SNX30: variants seen among roughly 807,000 people sequenced by gnomAD.
SNX30 encodes the protein sorting nexin family member 30.
Under a neutral mutation model 46.4 loss-of-function variants are expected in SNX30, and 24 were observed. The ratio of observed to expected loss-of-function variants is 0.52; its 90% CI spans 0.37 to 0.73. The LOEUF is 0.73. Among genes scored for constraint, SNX30 ranks in the 30% least tolerant of loss-of-function variants. The pLI is 0.00. For synonymous variants in SNX30, 189 were observed against 211.5 expected, an observed-to-expected ratio of 0.89 and a Z score of 0.92; for missense variants, 533 against 555.7, an observed-to-expected ratio of 0.96 and a Z score of 0.41.
intron 1 of SNX30, among the ~76,000 whole-genome samples, chr9:112,782,266 A>G (rs1316714228): frequency 6.6e-6 from 1 of 152,060 alleles, no homozygotes; most frequent in Non-Finnish European, 1.5e-5. Flanking sequence ...GGGTTTCACC[A>G]TGTTGGTCAG....
At chr9:112,837,840 C>T (rs1374506562) in intron 5 of SNX30, among the ~76,000 whole-genome samples, 2 of 150,844 alleles carry the variant, frequency 1.3e-5, no homozygotes, top group African/African-American at 4.9e-5. Context: ...GCCTCCATTG[C>T]CTGTTAAAAT....
At chr9:112,810,359 G>T (rs1376528647) in intron 2 of SNX30, among the ~76,000 whole-genome samples, 2 of 152,174 alleles carry the variant, frequency 1.3e-5, no homozygotes, top group Non-Finnish European at 2.9e-5. Context: ...ACACACCCAG[G>T]TCTGGTAGAG....
intron 1 of SNX30, among the ~76,000 whole-genome samples, chr9:112,780,893 ACG>A (rs1277710307): frequency 2.0e-5 from 3 of 152,184 alleles, no homozygotes; most frequent in Non-Finnish European, 4.4e-5. Flanking sequence ...GACATTGATG[ACG>A]CTTAGCCATG....
intron 1 of SNX30, among the ~76,000 whole-genome samples, chr9:112,778,789 ACCTTATGGTTCAGTG>A (rs1839792714): frequency 2.0e-5 from 3 of 152,052 alleles, no homozygotes; most frequent in African/African-American, 7.2e-5. Flanking sequence ...GCTTTCTCAC[ACCTTATGGTTCAGTG>A]CCAGAGGCAG....
intron 1 of SNX30, among the ~76,000 whole-genome samples, chr9:112,768,647 C>CTTCTT (rs1554748345): frequency 1.6e-5 from 1 of 64,366 alleles, no homozygotes; most frequent in African/African-American, 5.3e-5. Flanking sequence ...ATTCTTTCTT[C>CTTCTT]TTTTTTTTTT....
chr9:112,879,731 T>C, downstream of SNX30: 1 of 1,601,532 alleles, frequency 6.2e-7, no homozygotes. Flanking sequence ...TGGCCATGGC[T>C]GATGTTTTCA....
intron 1 of SNX30, among the ~76,000 whole-genome samples, chr9:112,755,953 A>G (rs1451903538): frequency 2.0e-5 from 3 of 152,162 alleles, no homozygotes; most frequent in African/African-American, 7.2e-5. Flanking sequence ...CGCCTAAACC[A>G]GTCTCTGATT....
chr9:112,883,571 G>A (rs1841608823), downstream of SNX30, among the ~76,000 whole-genome samples: 1 of 151,896 alleles, frequency 6.6e-6, no homozygotes, highest in African/African-American at 2.4e-5. Context: ...CTGTTTAAGA[G>A]TTTGCTGTTA....
At chr9:112,879,890 G>C, downstream of SNX30, 1 of 1,409,534 alleles carries the variant, frequency 7.1e-7, no homozygotes, top group Non-Finnish European at 1.0e-6. Context: ...TGCCCTCACA[G>C]GGTTAATGAT....
At chr9:112,768,647 C>CTTCTTTTTCTTCTTTTTTTTTT in intron 1 of SNX30, among the ~76,000 whole-genome samples, 1 of 64,366 alleles carries the variant, frequency 1.6e-5, no homozygotes, top group African/African-American at 5.3e-5. Context: ...ATTCTTTCTT[C>CTTCTTTTTCTTCTTTTTTTTTT]TTTTTTTTTT....
chr9:112,806,692 C>T (rs1026361798), intron 2 of SNX30, among the ~76,000 whole-genome samples: 4 of 152,122 alleles, frequency 2.6e-5, no homozygotes, highest in Non-Finnish European at 5.9e-5. Flanking sequence ...TGCTGAAGGC[C>T]ACATGCTGAG....
chr9:112,766,587 A>T (rs890770021), intron 1 of SNX30, among the ~76,000 whole-genome samples: 1 of 152,208 alleles, frequency 6.6e-6, no homozygotes, highest in Non-Finnish European at 1.5e-5. Context: ...GCAAAACTGA[A>T]ATTCTATACC....
At chr9:112,865,716 TATACATAC>T (rs200250698) in intron 8 of SNX30, among the ~76,000 whole-genome samples, 26 of 139,564 alleles carry the variant, frequency 1.9e-4, no homozygotes, top group South Asian at 2.3e-4. Flanking sequence ...TATACACACA[TATACATAC>T]ATACATACAC....
chr9:112,762,821 C>T (rs938748916), intron 1 of SNX30, among the ~76,000 whole-genome samples: 28 of 152,262 alleles, frequency 1.8e-4, no homozygotes, highest in African/African-American at 6.5e-4. Context: ...CCAGTTTCCA[C>T]TGAGCAGAGC....
chr9:112,835,984 C>T (rs537642609), intron 4 of SNX30, among the ~76,000 whole-genome samples: 3 of 152,210 alleles, frequency 2.0e-5, no homozygotes, highest in Non-Finnish European at 2.9e-5. Flanking sequence ...TAAGGATTGG[C>T]GTTCAGCTCT....
chr9:112,847,713 C>G (rs775383386), intron 6 of SNX30, among the ~76,000 whole-genome samples: 1 of 152,128 alleles, frequency 6.6e-6, no homozygotes, highest in Non-Finnish European at 1.5e-5. Flanking sequence ...GTTATTAGGA[C>G]CACTTGAAAT....
intron 7 of SNX30, among the ~76,000 whole-genome samples, chr9:112,862,861 A>AT (rs377743271): frequency 1.7e-4 from 25 of 149,030 alleles, no homozygotes; most frequent in South Asian, 2.1e-4. Context: ...TCAGCCCAGT[A>AT]TTTTTTTTTT....
intron 6 of SNX30, among the ~76,000 whole-genome samples, chr9:112,841,983 G>T (rs1840867297): frequency 6.6e-6 from 1 of 152,094 alleles, no homozygotes; most frequent in Non-Finnish European, 1.5e-5. Flanking sequence ...TTGCTCTGTC[G>T]CCCAGGCTGG....
At chr9:112,767,698 T>C (rs1485637637) in intron 1 of SNX30, among the ~76,000 whole-genome samples, 1 of 152,166 alleles carries the variant, frequency 6.6e-6, no homozygotes, top group African/African-American at 2.4e-5. Context: ...CAAGTGATCC[T>C]CCCATCTCAG....
Sources: allele counts gnomAD v4.1 joint callset (sites outside exome capture counted in the v4.1 genomes callset), GRCh38; gene constraint gnomAD v4.1.1; transcripts MANE v1.5; gene names NCBI Gene and HGNC (gene_info 2026-07-23, HGNC 2026-07-21).